Variants in GPR160 observed in about 807,000 individuals in gnomAD.
GPR160 encodes the protein probable G protein-coupled receptor 160.
GPR160 carries 2 observed loss-of-function variants against 2.6 expected under a neutral mutation model. The observed-to-expected ratio is 0.77, with a 90% confidence interval of 0.32 to 2.44. The LOEUF is 2.44. GPR160 is among the 30% of genes most tolerant of loss of function. The pLI, the probability that GPR160 is intolerant of heterozygous loss-of-function variation, is 0.11. For synonymous variants in GPR160, 130 were observed against 132.2 expected, an observed-to-expected ratio of 0.98 and a Z score of 0.12; for missense variants, 351 against 383.6, an observed-to-expected ratio of 0.91 and a Z score of 0.71.
At chr3:170,083,467 T>G (rs1713243370) in intron 3 of GPR160, 1 of 152,304 alleles carries the variant, frequency 6.6e-6, no homozygotes, top group African/African-American at 2.4e-5. Flanking sequence ...TAAGCATCGC[T>G]TCTAAACTTC....
chr3:170,070,662 T>G (rs932174827), intron 2 of GPR160, among the ~76,000 whole-genome samples: 10 of 152,208 alleles, frequency 6.6e-5, no homozygotes, highest in African/African-American at 2.2e-4. Context: ...AACTAGAGAC[T>G]AGGTTCTCTA....
At chr3:170,082,614 G>A (rs1193644552) in intron 3 of GPR160, among the ~76,000 whole-genome samples, 2 of 151,596 alleles carry the variant, frequency 1.3e-5, no homozygotes, top group African/African-American at 4.8e-5. Flanking sequence ...TTCTTTTTTC[G>A]AGACAGGGTC....
chr3:170,084,806 C>CTGGTTATACTTTGTCAA lies in GPR160; in HGVS notation c.836_852dup (p.Ser285GlyfsTer23). 6.2e-7 allele frequency: 1 copy of CTGGTTATACTTTGTCAA among 1,606,794 alleles called. No homozygotes were observed. Reference sequence around the variant, plus strand: ...CAGCATATATTGAGATGAATATTCCCTGGTTATACTTTGTCAATAGTTTTC... The same window carrying CTGGTTATACTTTGTCAA: ...CAGCATATATTGAGATGAATATTCCCTGGTTATACTTTGTCAATGGTTATACTTTGTCAATAGTTTTC... On this transcript the variant is annotated frameshift_variant, in exon 4 of 4. Transcript: ENST00000355897. LOFTEE classifies it high-confidence loss of function.
intron 2 of GPR160, among the ~76,000 whole-genome samples, chr3:170,045,159 A>G (rs1467294067): frequency 6.6e-6 from 1 of 152,046 alleles, no homozygotes; most frequent in Non-Finnish European, 1.5e-5. Context: ...CTTTCAGGAA[A>G]TGTCAGGTGC....
At chr3:170,042,678 T>TA (rs1297515287) in intron 2 of GPR160, among the ~76,000 whole-genome samples, 5 of 143,236 alleles carry the variant, frequency 3.5e-5, no homozygotes, top group East Asian at 2.0e-4. Flanking sequence ...AAAAAAAAAA[T>TA]AAATAAATAA....
intron 2 of GPR160, among the ~76,000 whole-genome samples, chr3:170,048,540 C>T (rs1716828846): frequency 6.6e-6 from 1 of 152,046 alleles, no homozygotes; most frequent in Admixed American, 6.5e-5. Context: ...AGTTGTTGCT[C>T]ATTTTTTGAT....
At chr3:170,056,326 C>T (rs1711641770) in intron 2 of GPR160, among the ~76,000 whole-genome samples, 1 of 152,182 alleles carries the variant, frequency 6.6e-6, no homozygotes, top group Non-Finnish European at 1.5e-5. Flanking sequence ...AGTAAAAATT[C>T]ATGGTAGCTT....
At chr3:170,078,154 A>C (rs187175143) in intron 2 of GPR160, among the ~76,000 whole-genome samples, 16 of 152,328 alleles carry the variant, frequency 1.1e-4, no homozygotes, top group East Asian at 3.9e-4. Context: ...TCCCAGAAGA[A>C]GGCACGTTAG....
At chr3:170,060,234 C>T (rs1488092966) in intron 2 of GPR160, among the ~76,000 whole-genome samples, 1 of 152,176 alleles carries the variant, frequency 6.6e-6, no homozygotes, top group Non-Finnish European at 1.5e-5. Flanking sequence ...AATTATAACA[C>T]ATTTAATAAA....
intron 2 of GPR160, among the ~76,000 whole-genome samples, chr3:170,043,539 G>T (rs1288244665): frequency 6.6e-6 from 1 of 152,138 alleles, no homozygotes; most frequent in Non-Finnish European, 1.5e-5. Context: ...AGTCCATTTT[G>T]CAAATGGAAG....
At chr3:170,067,066 G>A (rs912570840) in intron 2 of GPR160, among the ~76,000 whole-genome samples, 1 of 152,138 alleles carries the variant, frequency 6.6e-6, no homozygotes, top group East Asian at 1.9e-4. Context: ...GTGCAGTGGT[G>A]CAATCACAGC....
intron 2 of GPR160, among the ~76,000 whole-genome samples, chr3:170,044,851 C>T (rs1366055652): frequency 1.3e-5 from 2 of 152,266 alleles, no homozygotes; most frequent in East Asian, 1.9e-4. Flanking sequence ...TGCTTAGGCA[C>T]AGCCCCCCAA....
At chr3:170,080,555 C>T (rs962822748) in intron 3 of GPR160, among the ~76,000 whole-genome samples, 1 of 152,126 alleles carries the variant, frequency 6.6e-6, no homozygotes, top group African/African-American at 2.4e-5. Flanking sequence ...TCTCTTTCTC[C>T]TCTGTGGACC....
intron 3 of GPR160, among the ~76,000 whole-genome samples, chr3:170,080,873 G>A (rs1347672827): frequency 6.6e-6 from 1 of 152,026 alleles, no homozygotes; most frequent in Admixed American, 6.6e-5. Context: ...AGTAATTTTT[G>A]TATTTTTTGT....
At chr3:170,062,047 T>C (rs557452195) in intron 2 of GPR160, among the ~76,000 whole-genome samples, 152 of 152,318 alleles carry the variant, frequency 1.0e-3, no homozygotes, top group Non-Finnish European at 1.9e-3. Flanking sequence ...AGGTCTATTT[T>C]ACAATATTTT....
chr3:170,054,797 C>CTT (rs200685228), intron 2 of GPR160, among the ~76,000 whole-genome samples: 6 of 143,264 alleles, frequency 4.2e-5, no homozygotes, highest in African/African-American at 7.6e-5. Flanking sequence ...AATTTCTTTT[C>CTT]TTTTTTTTTT....
chr3:170,075,425 G>A (rs1471007064), intron 2 of GPR160, among the ~76,000 whole-genome samples: 1 of 152,116 alleles, frequency 6.6e-6, no homozygotes, highest in African/African-American at 2.4e-5. Context: ...AGGATATAGA[G>A]AATAATGAGG....
chr3:170,081,421 ATAGTT>A (rs1341929869), intron 3 of GPR160, among the ~76,000 whole-genome samples: 1 of 152,220 alleles, frequency 6.6e-6, no homozygotes, highest in East Asian at 1.9e-4. Context: ...TGGGTCTTTT[ATAGTT>A]ATGAAAATAG....
In GPR160 at chr3:170,038,241, G is replaced by C. The variant is rs1397823840; in HGVS notation, c.-322+26G>C. ...GTGAGTGCGGGCGCAGGTGGAGGGC[G>C]CCCGGCGCTCTCGCCACCGGCGTCC... On this transcript the variant is annotated intron_variant, in intron 1 of 3. Transcript: ENST00000355897. The surrounding 1 kb of genome is among the most constrained non-coding windows in gnomAD (Gnocchi z 5.3). The C allele has an allele frequency of 2.0e-5, 3 of 152,134 alleles. No homozygotes were observed. Among genetic ancestry groups the C allele is most frequent in the Non-Finnish European group, 4.4e-5 (3 of 67,994 alleles). 9.4% of individuals were successfully genotyped at this position (152,134 alleles called of 1,614,324 possible).
Sources: allele counts gnomAD v4.1 joint callset (sites outside exome capture counted in the v4.1 genomes callset), GRCh38; gene constraint gnomAD v4.1.1; non-coding constraint Gnocchi (gnomAD v3.1); transcripts MANE v1.5; gene names NCBI Gene and HGNC (gene_info 2026-07-23, HGNC 2026-07-21).